DSCAM: variants seen among roughly 807,000 people sequenced by gnomAD.
The protein encoded by DSCAM is DS cell adhesion molecule.
A neutral mutation model predicts 217.7 loss-of-function variants in DSCAM; 47 were observed. That is an observed-to-expected ratio of 0.22 (90% CI 0.17 to 0.28). The LOEUF (loss-of-function observed/expected upper bound fraction) is 0.28. Ranked by LOEUF, DSCAM falls within the 10% of genes least tolerant of loss-of-function variation. The pLI is 1.00. For missense variants in DSCAM, 2,080 were observed against 2,618.3 expected, an observed-to-expected ratio of 0.79 and a Z score of 4.49; for synonymous variants, 1,056 against 1,015.3, an observed-to-expected ratio of 1.04 and a Z score of -0.76.
At chr21:40,844,476 T>C (rs1280179817) in intron 1 of DSCAM, among the ~76,000 whole-genome samples, 1 of 152,250 alleles carries the variant, frequency 6.6e-6, no homozygotes, top group Non-Finnish European at 1.5e-5. Context: ...AATATTCATT[T>C]GTGTTTGCTG....
At chr21:40,122,525 G>A (rs1036062749) in intron 20 of DSCAM, among the ~76,000 whole-genome samples, 39 of 152,212 alleles carry the variant, frequency 2.6e-4, no homozygotes, top group African/African-American at 8.9e-4. Context: ...TGGTGAATAC[G>A]GGACATGTCA....
chr21:40,045,146 C>T (rs4239808), intron 30 of DSCAM, among the ~76,000 whole-genome samples: 73,959 of 152,056 alleles, frequency 0.49, 18,949 homozygotes, highest in African/African-American at 0.63. Flanking sequence ...TGTGAAGCCA[C>T]CCATTTGGTG....
chr21:40,345,283 T>C (rs1014679242), intron 6 of DSCAM, among the ~76,000 whole-genome samples: 2 of 152,116 alleles, frequency 1.3e-5, no homozygotes, highest in African/African-American at 4.8e-5. Context: ...GGGTGCAGAG[T>C]CCTGTTTTTT....
chr21:40,576,774 A>G (rs1207739203), intron 3 of DSCAM, among the ~76,000 whole-genome samples: 2 of 152,040 alleles, frequency 1.3e-5, no homozygotes, highest in Non-Finnish European at 2.9e-5. Context: ...ATAAATGCGC[A>G]ATTTTTACGT....
intron 6 of DSCAM, among the ~76,000 whole-genome samples, chr21:40,340,586 T>C (rs180841737): frequency 1.6e-3 from 245 of 152,340 alleles, no homozygotes; most frequent in Admixed American, 2.7e-3. Context: ...ACAGGATTTC[T>C]GAGTCTGGTA....
chr21:40,471,547 C>T (rs910774590), intron 3 of DSCAM, among the ~76,000 whole-genome samples: 3 of 152,200 alleles, frequency 2.0e-5, no homozygotes, highest in African/African-American at 7.2e-5. Flanking sequence ...TCCACAACAA[C>T]CTGATCAGCT....
At position 40,628,021 on chromosome 21, in the gene DSCAM, T is replaced by C. The variant is rs541608004; in HGVS notation, c.508+64789A>G. On this transcript the variant is annotated intron_variant, in intron 3 of 32. Coordinates refer to ENST00000400454, the MANE Select transcript of DSCAM (RefSeq NM_001389.5). The stretch of plus-strand genomic sequence containing the variant: ...GATTCAGATGGTACATTTGACCACT[T>C]TGTATACCACCTTGTTGTGTATTTA... Among the ~76,000 whole-genome samples, 4 of 152,304 alleles carry C rather than the reference T, an allele frequency of 2.6e-5. No individual in the cohort carries two copies. In the East Asian group the frequency reaches 7.7e-4, roughly 29 times the overall value.
At chr21:40,074,130 G>A (rs1280714973) in intron 27 of DSCAM, among the ~76,000 whole-genome samples, 3 of 152,286 alleles carry the variant, frequency 2.0e-5, no homozygotes, top group South Asian at 2.1e-4. Flanking sequence ...AGAGGTCAAC[G>A]TTTTCTAAAT....
At chr21:40,613,556 C>G (rs1315163650) in intron 3 of DSCAM, among the ~76,000 whole-genome samples, 2 of 152,066 alleles carry the variant, frequency 1.3e-5, no homozygotes, top group Non-Finnish European at 2.9e-5. Flanking sequence ...ATTAATTCAT[C>G]AATATAATGC....
rs2091199647 is a variant in DSCAM at position 40,748,831 on chromosome 21, A to G, written c.44-40060T>C. Among the ~76,000 whole-genome samples, 6 of 152,160 alleles carry G rather than the reference A, an allele frequency of 3.9e-5. No homozygotes were observed. The South Asian group carries it at 1.2e-3, about 32-fold the overall frequency. On this transcript the variant is annotated intron_variant, in intron 1 of 32. Transcript: ENST00000400454. ...AGGCATCACTCTACCTGATGAAAAT[A>G]TACTGCATAGCTATAGTAACCAAAA...
chr21:40,078,793 C>T lies in DSCAM; in HGVS notation c.4605G>A (p.Leu1535=), dbSNP rs1387527747. The T allele has an allele frequency of 3.7e-6, 6 of 1,614,134 alleles. No individual in the cohort carries two copies. Among genetic ancestry groups the T allele is most frequent in the Non-Finnish European group, 5.1e-6 (6 of 1,180,060 alleles). The change falls in exon 26 of 33, where the codon CTG becomes CTA. Residue 1535 remains leucine (L), a synonymous_variant. Coordinates refer to ENST00000400454, the MANE Select transcript of DSCAM (RefSeq NM_001389.5). ...ACCAGGTGGCTTCCTGCAGGTCATACAGGATGTAGGACTTGGAGAGAGAGG... is the reference window on the plus strand; with the variant it reads ...ACCAGGTGGCTTCCTGCAGGTCATATAGGATGTAGGACTTGGAGAGAGAGG... ...QRTSLSKSYI[L]YDLQEATWYE...
At chr21:40,273,557 A>C (rs2837545) in intron 11 of DSCAM, among the ~76,000 whole-genome samples, 50,843 of 151,952 alleles carry the variant, frequency 0.33, 8,751 homozygotes, top group South Asian at 0.37. Flanking sequence ...GGAATACCCT[A>C]TCTAGCCTCA....
intron 11 of DSCAM, among the ~76,000 whole-genome samples, chr21:40,235,151 C>T (rs1487617280): frequency 6.6e-6 from 1 of 152,154 alleles, no homozygotes; most frequent in Non-Finnish European, 1.5e-5. Context: ...AATAGTGATA[C>T]ATTACAATGG....
intron 9 of DSCAM, among the ~76,000 whole-genome samples, chr21:40,298,069 T>C (rs2073974675): frequency 6.6e-6 from 1 of 151,434 alleles, no homozygotes; most frequent in South Asian, 2.1e-4. Flanking sequence ...TAAATGCAGG[T>C]ATGTTTAGCT....
At chr21:40,706,193 A>AAAAG (rs1198503107) in intron 2 of DSCAM, among the ~76,000 whole-genome samples, 92 of 148,948 alleles carry the variant, frequency 6.2e-4, no homozygotes, top group East Asian at 1.8e-3. Flanking sequence ...AAAAAAAAAA[A>AAAAG]AAAGAAAGAA....
intron 20 of DSCAM, among the ~76,000 whole-genome samples, chr21:40,095,939 C>T (rs1177707748): frequency 6.6e-6 from 1 of 152,080 alleles, no homozygotes; most frequent in Non-Finnish European, 1.5e-5. Context: ...ATACATTGAA[C>T]TTGATTAGCA....
In DSCAM at chr21:40,483,114, C is replaced by A. The variant is rs141562745; in HGVS notation, c.509-113869G>T. Among the ~76,000 whole-genome samples, 617 of 152,352 alleles carry A rather than the reference C, an allele frequency of 4.0e-3. 7 individuals carry two copies. Among genetic ancestry groups the A allele is most frequent in the African/African-American group, 0.013 (558 of 41,586 alleles). On this transcript the variant is annotated intron_variant, in intron 3 of 32. Coordinates refer to ENST00000400454, the MANE Select transcript of DSCAM (RefSeq NM_001389.5). The stretch of plus-strand genomic sequence containing the variant: ...TAAAATGTCCCACGCAATTCTTCTG[C>A]ATCTCTAGAAGATTAGAAACAGAAG...
chr21:40,824,494 C>G (rs1489800810), intron 1 of DSCAM, among the ~76,000 whole-genome samples: 3 of 147,822 alleles, frequency 2.0e-5, no homozygotes, highest in Non-Finnish European at 4.4e-5. Flanking sequence ...TCTGCAACCT[C>G]AACCTTCCAG....
chr21:40,727,544 A>G (rs968327579), intron 1 of DSCAM, among the ~76,000 whole-genome samples: 1 of 152,116 alleles, frequency 6.6e-6, no homozygotes, highest in African/African-American at 2.4e-5. Context: ...CTCATATCTT[A>G]TATTCACAGC....
Sources: gnomAD v4.1 joint callset for allele counts (sites outside exome capture counted in the v4.1 genomes callset) on GRCh38, gnomAD v4.1.1 for gene constraint, MANE v1.5 for transcripts, NCBI Gene and HGNC (gene_info 2026-07-23, HGNC 2026-07-21) for gene names.